The following NMNAT2 variants were observed in gnomAD, a reference collection of about 807,000 sequenced individuals.
The protein encoded by NMNAT2 is nicotinamide/nicotinic acid mononucleotide adenylyltransferase 2.
NMNAT2 carries 11 observed loss-of-function variants against 41.6 expected under a neutral mutation model. The observed-to-expected ratio is 0.26, with a 90% confidence interval of 0.17 to 0.44. NMNAT2 has a LOEUF of 0.44. Among genes scored for constraint, NMNAT2 ranks in the 20% least tolerant of loss-of-function variants. NMNAT2 has a pLI of 1.00. For missense variants in NMNAT2, 288 were observed against 407.7 expected, an observed-to-expected ratio of 0.71 and a Z score of 2.53; for synonymous variants, 148 against 151.2, an observed-to-expected ratio of 0.98 and a Z score of 0.16.
chr1:183,381,562 TG>T (rs1216304190), intron 1 of NMNAT2, among the ~76,000 whole-genome samples: 1 of 152,056 alleles, frequency 6.6e-6, no homozygotes, highest in African/African-American at 2.4e-5. Flanking sequence ...CTGGGTGTGG[TG>T]GTGTGCACCT....
At chr1:183,375,191 A>G (rs1177902263) in intron 1 of NMNAT2, among the ~76,000 whole-genome samples, 1 of 152,128 alleles carries the variant, frequency 6.6e-6, no homozygotes, top group Non-Finnish European at 1.5e-5. Context: ...CCACCTCCCT[A>G]TTCAGAATTC....
rs144875687 is a variant in NMNAT2 at position 183,375,085 on chromosome 1, A to C, written c.85+43098T>G. 3.4e-3 allele frequency among the ~76,000 whole-genome samples: 518 copies of C among 152,298 alleles called. 4 individuals are homozygous for C. The highest frequency in any genetic ancestry group is 0.012 in the African/African-American group (497 of 41,564). On this transcript the variant is annotated intron_variant, in intron 1 of 10. Transcript: ENST00000287713. ...AGGACTGGGGGCAGGAAGGCCTCTTAGGACAATCACCACAGCTTCCTAACT... is the reference window on the plus strand; with the variant it reads ...AGGACTGGGGGCAGGAAGGCCTCTTCGGACAATCACCACAGCTTCCTAACT...
chr1:183,404,211 G>A (rs983557686), intron 1 of NMNAT2, among the ~76,000 whole-genome samples: 1 of 149,308 alleles, frequency 6.7e-6, no homozygotes, highest in East Asian at 2.0e-4. Context: ...CGATTTTCCT[G>A]CCTCAGCCTC....
At chr1:183,255,005 G>A (rs1344504405) in intron 10 of NMNAT2, among the ~76,000 whole-genome samples, 3 of 152,118 alleles carry the variant, frequency 2.0e-5, no homozygotes, top group African/African-American at 7.2e-5. Context: ...CAATGTCAAG[G>A]AGATTTTCCT....
At chr1:183,360,548 C>G (rs1340387291) in intron 1 of NMNAT2, among the ~76,000 whole-genome samples, 1 of 152,224 alleles carries the variant, frequency 6.6e-6, no homozygotes, top group Non-Finnish European at 1.5e-5. Context: ...TAAACATCCT[C>G]CATCTAGGGA....
chr1:183,391,989 C>G (rs1648496672), intron 1 of NMNAT2, among the ~76,000 whole-genome samples: 1 of 152,332 alleles, frequency 6.6e-6, no homozygotes, highest in East Asian at 1.9e-4. Flanking sequence ...GACCTCTTCT[C>G]CAATGCATTC....
At chr1:183,272,498 C>T (rs1661010066) in intron 8 of NMNAT2, among the ~76,000 whole-genome samples, 1 of 152,156 alleles carries the variant, frequency 6.6e-6, no homozygotes, top group Non-Finnish European at 1.5e-5. Context: ...TGTCACTGGT[C>T]AGAGAGGGTC....
intron 1 of NMNAT2, among the ~76,000 whole-genome samples, chr1:183,389,484 A>T (rs1006958671): frequency 1.3e-5 from 2 of 151,998 alleles, no homozygotes; most frequent in African/African-American, 4.8e-5. Context: ...TTCTCATCTT[A>T]TAAATGTGGG....
chr1:183,396,305 G>A (rs529973334), intron 1 of NMNAT2, among the ~76,000 whole-genome samples: 83 of 152,248 alleles, frequency 5.5e-4, no homozygotes, highest in African/African-American at 2.0e-3. Context: ...TCAGGTGATG[G>A]TCAGGCGGTT....
chr1:183,357,554 T>A (rs767757762), intron 1 of NMNAT2, among the ~76,000 whole-genome samples: 9 of 152,082 alleles, frequency 5.9e-5, no homozygotes, highest in Non-Finnish European at 1.5e-5. Context: ...CAATAGAACA[T>A]CTCATCTTTG....
chr1:183,269,243 GGAAAAC>G (rs1220811330), intron 8 of NMNAT2, among the ~76,000 whole-genome samples: 7 of 152,176 alleles, frequency 4.6e-5, no homozygotes, highest in Admixed American at 3.9e-4. Context: ...CCTGAGGTGG[GGAAAAC>G]TGTTTAAATA....
At chr1:183,379,276 G>A (rs10911322) in intron 1 of NMNAT2, among the ~76,000 whole-genome samples, 12,717 of 152,046 alleles carry the variant, frequency 0.084, 882 homozygotes, top group East Asian at 0.38. Flanking sequence ...AACCTCCTGG[G>A]CTAAAGCAAT....
chr1:183,399,424 C>T (rs1423228541), intron 1 of NMNAT2, among the ~76,000 whole-genome samples: 1 of 152,056 alleles, frequency 6.6e-6, no homozygotes, highest in Non-Finnish European at 1.5e-5. Context: ...TAATTAATAG[C>T]CTACCAACCA....
intron 1 of NMNAT2, among the ~76,000 whole-genome samples, chr1:183,317,473 T>C (rs543479732): frequency 6.6e-6 from 1 of 152,264 alleles, no homozygotes; most frequent in South Asian, 2.1e-4. Context: ...CTCACCACCA[T>C]GTTGCCCAGG....
intron 1 of NMNAT2, among the ~76,000 whole-genome samples, chr1:183,349,246 G>A (rs1662994478): frequency 6.6e-6 from 1 of 152,242 alleles, no homozygotes; most frequent in South Asian, 2.1e-4. Context: ...TGATGGAATG[G>A]AAAGCAGGCT....
At chr1:183,260,900 G>T in intron 10 of NMNAT2, 102 bp downstream of exon 10, 2 of 858,942 alleles carry the variant, frequency 2.3e-6, no homozygotes, top group East Asian at 2.4e-5. Flanking sequence ...CAGGGCAGCA[G>T]ATGTCTGCCT....
chr1:183,373,013 A>G (rs1466633274), intron 1 of NMNAT2, among the ~76,000 whole-genome samples: 1 of 152,234 alleles, frequency 6.6e-6, no homozygotes, highest in Admixed American at 6.5e-5. Flanking sequence ...GAGGCCATCA[A>G]GTCCAGGCCC....
chr1:183,324,921 A>G (rs1662430970), intron 1 of NMNAT2, among the ~76,000 whole-genome samples: 1 of 152,096 alleles, frequency 6.6e-6, no homozygotes, highest in Non-Finnish European at 1.5e-5. Context: ...TGCTTGATCA[A>G]TGTTTGTTGA....
At chr1:183,353,164 GC>G (rs1663101131) in intron 1 of NMNAT2, among the ~76,000 whole-genome samples, 1 of 152,012 alleles carries the variant, frequency 6.6e-6, no homozygotes, top group African/African-American at 2.4e-5. Flanking sequence ...CTGCCATCGT[GC>G]CCGGCTAGTT....
Sources: gnomAD v4.1 joint callset for allele counts (sites outside exome capture counted in the v4.1 genomes callset) on GRCh38, gnomAD v4.1.1 for gene constraint, MANE v1.5 for transcripts, NCBI Gene and HGNC (gene_info 2026-07-23, HGNC 2026-07-21) for gene names.